Variants in CCDC38 observed in about 807,000 individuals in gnomAD.
The protein encoded by CCDC38 is coiled-coil domain containing 38, also known as coiled-coil domain-containing protein 38.
CCDC38 carries 69 observed loss-of-function variants against 72.8 expected under a neutral mutation model. That is an observed-to-expected ratio of 0.95 (90% CI 0.78 to 1.16). CCDC38 has a LOEUF of 1.16. Among genes scored for constraint, CCDC38 ranks in the 50% most tolerant of loss-of-function variants. The pLI, the probability that CCDC38 is intolerant of heterozygous loss-of-function variation, is 0.00. For synonymous variants in CCDC38, 201 were observed against 213.2 expected (o/e 0.94, Z 0.50); for missense variants, 626 against 638.9 (o/e 0.98, Z 0.22).
intron 2 of CCDC38, among the ~76,000 whole-genome samples, chr12:95,929,233 A>T (rs1398433951): frequency 6.6e-6 from 1 of 152,042 alleles, no homozygotes; most frequent in Non-Finnish European, 1.5e-5. Context: ...GCGGGATATA[A>T]TCTCCTGGTG....
chr12:95,927,344 G>A (rs953298296), intron 2 of CCDC38, among the ~76,000 whole-genome samples: 3 of 151,152 alleles, frequency 2.0e-5, no homozygotes, highest in African/African-American at 7.3e-5. Flanking sequence ...TGTTTTATCA[G>A]AGACTAGGAT....
chr12:95,890,617 C>T (rs1156424238), intron 9 of CCDC38, among the ~76,000 whole-genome samples: 1 of 152,182 alleles, frequency 6.6e-6, no homozygotes, highest in South Asian at 2.1e-4. Context: ...CTCAGGGGCC[C>T]TCTTCCTCTG....
rs116540369 is a variant in CCDC38, at chr12:95,874,398, C to A, written c.1279-1938G>T. Among the ~76,000 whole-genome samples, 721 of 152,170 alleles carry A rather than the reference C, an allele frequency of 4.7e-3. 6 individuals carry two copies. Among genetic ancestry groups the A allele is most frequent in the African/African-American group, 0.017 (701 of 41,520 alleles). On this transcript the variant is annotated intron_variant, in intron 13 of 15. Transcript: ENST00000344280. Reference sequence around the variant, plus strand: ...TACGATGTCTTTTCTACACCACCACCCCCTCCCCCTTTTTTTCTTAAATTC... The same window carrying A: ...TACGATGTCTTTTCTACACCACCACACCCTCCCCCTTTTTTTCTTAAATTC...
rs765320721 is a variant in CCDC38, at chr12:95,888,501, G to C, written c.877C>G (p.Pro293Ala). 1 of 1,613,976 alleles carries C rather than the reference G, an allele frequency of 6.2e-7. No homozygotes were observed. Among genetic ancestry groups the C allele is most frequent in the Non-Finnish European group, 8.5e-7 (1 of 1,179,974 alleles). ...GGAGTGCGAGTCAGGCTTCTGCTTG[G>C]CTTTCCTGTTCAAAATGTCCAGGTG... is the stretch of plus-strand genomic sequence containing the variant. ...ASQGRDSQGK[P>A]SRSLTRTPEK... Residue 293 changes from proline (P) to alanine (A), a missense_variant, in exon 10 of 16, where the codon CCA becomes GCA. Physicochemically the swap from Pro to Ala is conservative, Grantham distance 27 (BLOSUM62 -1). Coordinates refer to ENST00000344280, the MANE Select transcript of CCDC38 (RefSeq NM_182496.3).
At chr12:95,901,106 G>A (rs550050472) in intron 5 of CCDC38, among the ~76,000 whole-genome samples, 201 of 152,344 alleles carry the variant, frequency 1.3e-3, no homozygotes, top group Non-Finnish European at 2.1e-3. Context: ...TGCTAGAGAT[G>A]TTGGTGGCTT....
chr12:95,937,216 C>CCT (rs2080403764), intron 1 of CCDC38, among the ~76,000 whole-genome samples: 2 of 152,040 alleles, frequency 1.3e-5, no homozygotes, highest in Non-Finnish European at 2.9e-5. Context: ...AGTCTCTGAC[C>CCT]CTGTACTTGT....
chr12:95,868,715 G>C (rs2121402403), intron 15 of CCDC38, among the ~76,000 whole-genome samples: 1 of 152,282 alleles, frequency 6.6e-6, no homozygotes, highest in Admixed American at 6.5e-5. Context: ...TATCCCAGAG[G>C]AGGGAAAGAG....
chr12:95,936,578 A>G (rs1374947089), intron 1 of CCDC38, 55 bp from the exon 2 acceptor site: 2 of 1,459,998 alleles, frequency 1.4e-6, no homozygotes, highest in Non-Finnish European at 9.5e-7. Context: ...ATCATATAAA[A>G]GGGCTAAATT....
intron 14 of CCDC38, chr12:95,869,822 T>C (rs747853057): frequency 4.0e-4 from 5 of 12,480 alleles, no homozygotes; most frequent in Non-Finnish European, 8.7e-4. Flanking sequence ...TCTTGGTCTA[T>C]TTTTTTTTTT....
At chr12:95,884,368 A>G (rs4762250) in intron 10 of CCDC38, among the ~76,000 whole-genome samples, 84,752 of 152,154 alleles carry the variant, frequency 0.56, 23,973 homozygotes, top group African/African-American at 0.6. Context: ...CTATAAATCT[A>G]ACAAAACATG....
intron 14 of CCDC38, chr12:95,869,930 TCTC>T (rs1477324336): frequency 1.3e-4 from 23 of 180,420 alleles, no homozygotes; most frequent in African/African-American, 4.6e-4. Flanking sequence ...TTCAAGCAGT[TCTC>T]CTGCCTCAGC....
In CCDC38 at chr12:95,917,132, C is replaced by T. The variant is rs751518529; in HGVS notation, c.301G>A (p.Glu101Lys). 1.9e-6 allele frequency: 3 copies of T among 1,574,066 alleles called. No individual in the cohort carries two copies. Among genetic ancestry groups the T allele is most frequent in the Non-Finnish European group, 1.7e-6 (2 of 1,169,972 alleles). Residue 101 changes from glutamate (E) to lysine (K), a missense_variant, in exon 4 of 16, where the codon GAA becomes AAA. Coordinates refer to ENST00000344280, the MANE Select transcript of CCDC38 (RefSeq NM_182496.3). Reference sequence around the variant, plus strand: ...TTAAAGAGTAATTTAGACTCACCTTCTATTAATCTAGGAATCGGAGCAGGA... The same window carrying T: ...TTAAAGAGTAATTTAGACTCACCTTTTATTAATCTAGGAATCGGAGCAGGA... ...PGPAPIPRLI[E>K]GSDTKRTVHE...
intron 7 of CCDC38, among the ~76,000 whole-genome samples, chr12:95,897,431 A>C (rs2079901606): frequency 6.6e-6 from 1 of 151,930 alleles, no homozygotes; most frequent in African/African-American, 2.4e-5. Context: ...TAACGTGGTG[A>C]AACCCCATTT....
chr12:95,867,707 A>C (rs2079536947), intron 15 of CCDC38, among the ~76,000 whole-genome samples: 1 of 152,214 alleles, frequency 6.6e-6, no homozygotes, highest in African/African-American at 2.4e-5. Context: ...CCCCGAGTTC[A>C]TACCTATTCA....
intron 1 of CCDC38, 89 bp from the exon 2 acceptor site, chr12:95,936,612 G>T: frequency 1.0e-6 from 1 of 995,178 alleles, no homozygotes; most frequent in Non-Finnish European, 1.5e-6. Flanking sequence ...CTCCTTAACA[G>T]TCCTTATGGC....
intron 12 of CCDC38, among the ~76,000 whole-genome samples, 198 bp from the exon 13 acceptor site, chr12:95,878,544 T>C (rs1284926006): frequency 2.0e-5 from 3 of 152,218 alleles, no homozygotes; most frequent in Non-Finnish European, 4.4e-5. Flanking sequence ...AAATGCTGTT[T>C]TTAACTTCCA....
At chr12:95,877,769 G>A (rs2079651083) in intron 13 of CCDC38, among the ~76,000 whole-genome samples, 1 of 152,142 alleles carries the variant, frequency 6.6e-6, no homozygotes, top group Non-Finnish European at 1.5e-5. Flanking sequence ...AGTCTATGCA[G>A]GCCTGAAGAG....
chr12:95,934,330 G>A (rs569486868), intron 2 of CCDC38: 2 of 152,056 alleles, frequency 1.3e-5, no homozygotes, highest in African/African-American at 2.4e-5. Context: ...GGGTTCAAAG[G>A]TTCATATTAT....
chr12:95,922,507 T>A (rs2080219785), intron 2 of CCDC38, among the ~76,000 whole-genome samples: 1 of 152,122 alleles, frequency 6.6e-6, no homozygotes, highest in Non-Finnish European at 1.5e-5. Flanking sequence ...GTTTGAATAA[T>A]TTCATGGCTG....
Sources: allele counts gnomAD v4.1 joint callset (sites outside exome capture counted in the v4.1 genomes callset), GRCh38; gene constraint gnomAD v4.1.1; transcripts MANE v1.5; gene names NCBI Gene and HGNC (gene_info 2026-07-23, HGNC 2026-07-21).